Variants in TRAPPC9 observed in about 807,000 individuals in gnomAD.
TRAPPC9 encodes the protein trafficking protein particle complex subunit 9, also known as IKK2 binding protein.
TRAPPC9 carries 83 observed loss-of-function variants against 124.0 expected under a neutral mutation model. The observed-to-expected ratio is 0.67, with a 90% CI of 0.56 to 0.80. The LOEUF (loss-of-function observed/expected upper bound fraction) is 0.80, where lower values mean the gene tolerates loss of function less well. Ranked by LOEUF, TRAPPC9 falls within the 30% of genes least tolerant of loss-of-function variation. The pLI is 0.00. For synonymous variants in TRAPPC9, 638 were observed against 617.5 expected, an observed-to-expected ratio of 1.03 and a Z score of -0.49; for missense variants, 1,302 against 1,508.3, an observed-to-expected ratio of 0.86 and a Z score of 2.27.
chr8:140,312,356 C>G (rs1193467620), intron 9 of TRAPPC9, among the ~76,000 whole-genome samples: 1 of 152,172 alleles, frequency 6.6e-6, no homozygotes, highest in Non-Finnish European at 1.5e-5. Flanking sequence ...TTAGATCCGA[C>G]TCCAGGAGAT....
chr8:140,344,064 T>A (rs1418367436), intron 9 of TRAPPC9, among the ~76,000 whole-genome samples: 1 of 151,964 alleles, frequency 6.6e-6, no homozygotes, highest in Non-Finnish European at 1.5e-5. Context: ...ACTCCCAAGG[T>A]GATGGGATTA....
At chr8:140,451,531 C>A in intron 1 of TRAPPC9, 148 bp from the exon 2 acceptor site, 1 of 711,548 alleles carries the variant, frequency 1.4e-6, no homozygotes, top group Non-Finnish European at 2.5e-6. Flanking sequence ...TAGGGCTCTA[C>A]ACGTGGCTGT....
intron 18 of TRAPPC9, among the ~76,000 whole-genome samples, chr8:140,012,513 C>T (rs1478110147): frequency 2.0e-5 from 3 of 152,200 alleles, no homozygotes; most frequent in African/African-American, 4.8e-5. Flanking sequence ...GGAATCCTCC[C>T]GACAGCCCGA....
At chr8:139,989,328 C>G (rs1563669594) in intron 18 of TRAPPC9, among the ~76,000 whole-genome samples, 1 of 152,106 alleles carries the variant, frequency 6.6e-6, no homozygotes, top group African/African-American at 2.4e-5. Context: ...TGTGCACATC[C>G]AGCACGAGCT....
chr8:140,066,973 T>C (rs1047257458), intron 17 of TRAPPC9, among the ~76,000 whole-genome samples: 5 of 152,178 alleles, frequency 3.3e-5, no homozygotes, highest in Non-Finnish European at 5.9e-5. Context: ...GCTGTAAGCT[T>C]AGGGAAAACA....
chr8:139,966,187 A>C (rs1835695105), intron 19 of TRAPPC9, among the ~76,000 whole-genome samples: 1 of 152,194 alleles, frequency 6.6e-6, no homozygotes, highest in Admixed American at 6.5e-5. Flanking sequence ...CCTCGAAGGG[A>C]GGTGGAGATG....
intron 16 of TRAPPC9, among the ~76,000 whole-genome samples, chr8:140,229,604 T>G (rs1233704910): frequency 1.4e-4 from 22 of 151,840 alleles, no homozygotes; most frequent in Admixed American, 1.1e-3. Context: ...AGTCTTACTC[T>G]GTCGCTGAGG....
chr8:139,931,216 C>CT (rs1274209653), intron 19 of TRAPPC9: 2 of 152,210 alleles, frequency 1.3e-5, no homozygotes, highest in African/African-American at 4.8e-5. Context: ...CCATAGACAA[C>CT]TGCCACTCAC....
At chr8:140,281,113 T>C (rs1304198695) in intron 14 of TRAPPC9, among the ~76,000 whole-genome samples, 1 of 152,258 alleles carries the variant, frequency 6.6e-6, no homozygotes, top group Non-Finnish European at 1.5e-5. Flanking sequence ...CACACAGGTT[T>C]CTGTGTCAAC....
At chr8:139,743,085 T>C (rs1349013127) in intron 21 of TRAPPC9, among the ~76,000 whole-genome samples, 1 of 152,106 alleles carries the variant, frequency 6.6e-6, no homozygotes, top group African/African-American at 2.4e-5. Flanking sequence ...TACCGTGGGC[T>C]TCTTAGGTGG....
At chr8:140,041,619 T>C (rs2132032651) in intron 17 of TRAPPC9, among the ~76,000 whole-genome samples, 1 of 152,338 alleles carries the variant, frequency 6.6e-6, no homozygotes, top group South Asian at 2.1e-4. Flanking sequence ...CGTGACTTGC[T>C]CGCCCTCATG....
At chr8:140,383,539 G>A (rs904283688) in intron 7 of TRAPPC9, among the ~76,000 whole-genome samples, 1 of 152,146 alleles carries the variant, frequency 6.6e-6, no homozygotes, top group Non-Finnish European at 1.5e-5. Flanking sequence ...TAGCCGATTC[G>A]ATCAACTGGA....
intron 15 of TRAPPC9, among the ~76,000 whole-genome samples, chr8:140,272,381 A>AGGG (rs879543318): frequency 0.12 from 12,820 of 110,252 alleles, 1,478 homozygotes; most frequent in African/African-American, 0.31. Flanking sequence ...GGTGGTGGTG[A>AGGG]TGATGGTGAT....
intron 15 of TRAPPC9, among the ~76,000 whole-genome samples, chr8:140,264,277 C>T (rs4074945): frequency 0.12 from 17,795 of 152,014 alleles, 1,506 homozygotes; most frequent in African/African-American, 0.24. Context: ...GTCTCCTCCC[C>T]GTCAGCGCTG....
chr8:140,394,540 G>A (rs997253295), intron 7 of TRAPPC9, among the ~76,000 whole-genome samples: 8 of 152,184 alleles, frequency 5.3e-5, no homozygotes, highest in African/African-American at 1.7e-4. Context: ...GGCAACACAG[G>A]GGTGTGAACC....
At chr8:139,885,777 A>C in intron 21 of TRAPPC9, 102 bp downstream of exon 21, 1 of 1,160,840 alleles carries the variant, frequency 8.6e-7, no homozygotes, top group Non-Finnish European at 1.3e-6. Flanking sequence ...AGTACCCACC[A>C]ACATTTGGGG....
intron 15 of TRAPPC9, among the ~76,000 whole-genome samples, chr8:140,260,002 G>C (rs1232561435): frequency 1.3e-5 from 2 of 152,210 alleles, no homozygotes; most frequent in Admixed American, 1.3e-4. Context: ...ACGAAGACCT[G>C]CCTATCTGCT....
At chr8:139,857,654 T>C (rs1215602932) in intron 21 of TRAPPC9, among the ~76,000 whole-genome samples, 1 of 152,180 alleles carries the variant, frequency 6.6e-6, no homozygotes, top group East Asian at 1.9e-4. Context: ...GAGCTGAGCA[T>C]GGGGCCGTCT....
At chr8:140,411,882 G>C (rs533036339) in intron 5 of TRAPPC9, among the ~76,000 whole-genome samples, 1 of 152,236 alleles carries the variant, frequency 6.6e-6, no homozygotes, top group South Asian at 2.1e-4. Context: ...AAAAGCTCCT[G>C]CTTATAGTAA....
Sources: allele counts gnomAD v4.1 joint callset (sites outside exome capture counted in the v4.1 genomes callset), GRCh38; gene constraint gnomAD v4.1.1; transcripts MANE v1.5; gene names NCBI Gene and HGNC (gene_info 2026-07-23, HGNC 2026-07-21).